Variants in ZXDC observed in about 807,000 individuals in gnomAD.
The protein encoded by ZXDC is zinc finger protein ZXDC.
A neutral mutation model predicts 63.6 loss-of-function variants in ZXDC; 58 were observed. The ratio of observed to expected loss-of-function variants is 0.91; its 90% confidence interval spans 0.74 to 1.13. The LOEUF is 1.13. Among genes scored for constraint, ZXDC ranks in the 50% most tolerant of loss-of-function variants. ZXDC has a pLI of 0.00. For missense variants in ZXDC, 1,133 were observed against 1,148.9 expected (o/e 0.99, Z 0.20); for synonymous variants, 561 against 496.1 (o/e 1.13, Z -1.74).
intron 4 of ZXDC, among the ~76,000 whole-genome samples, chr3:126,470,156 A>G (rs2107657397): frequency 6.6e-6 from 1 of 152,264 alleles, no homozygotes; most frequent in Non-Finnish European, 1.5e-5. Context: ...AAAGGAAAAA[A>G]CCACTCTACT....
chr3:126,475,096 G>C lies in ZXDC; in HGVS notation c.770C>G (p.Ala257Gly). 1.2e-6 allele frequency: 2 copies of C among 1,609,996 alleles called. No individual in the cohort carries two copies. Among genetic ancestry groups the C allele is most frequent in the Non-Finnish European group, 1.7e-6 (2 of 1,178,184 alleles). ...KKFTTVYNLK[A>G]HMKGHEQESL... Reference sequence around the variant, plus strand: ...CTCCTGCTCGTGGCCCTTCATGTGCGCCTTGAGGTTATAGACCGTAGTGAA... The same window carrying C: ...CTCCTGCTCGTGGCCCTTCATGTGCCCCTTGAGGTTATAGACCGTAGTGAA... Residue 257 changes from alanine (A) to glycine (G), a missense_variant, in exon 1 of 10, where the codon GCG (alanine) becomes GGG (glycine). Coordinates refer to ENST00000389709, the MANE Select transcript of ZXDC (RefSeq NM_025112.5).
chr3:126,450,257 G>C (rs1429642852), intron 7 of ZXDC: 6 of 447,424 alleles, frequency 1.3e-5, no homozygotes, highest in South Asian at 9.5e-5. Context: ...ATGCGTAAGG[G>C]TCAGTGGTGT....
At chr3:126,466,430 C>A (rs1934769577) in intron 4 of ZXDC, 105 bp from the exon 5 acceptor site, 5 of 1,262,494 alleles carry the variant, frequency 4.0e-6, no homozygotes, top group South Asian at 3.8e-5. Context: ...GCATTTTGCA[C>A]CCTGGCTACT....
intron 7 of ZXDC, chr3:126,459,408 G>A (rs1934433368): frequency 2.0e-6 from 2 of 985,462 alleles, no homozygotes; most frequent in Non-Finnish European, 2.4e-6. Context: ...TGACACTGGT[G>A]TTTGAACGCT....
chr3:126,448,604 C>A (rs1221699105), intron 7 of ZXDC, among the ~76,000 whole-genome samples: 1 of 152,214 alleles, frequency 6.6e-6, no homozygotes, highest in Admixed American at 6.5e-5. Flanking sequence ...CACTAAGAAG[C>A]AAGCACCAGA....
intron 4 of ZXDC, among the ~76,000 whole-genome samples, chr3:126,467,508 G>A (rs1576687770): frequency 6.6e-6 from 1 of 152,298 alleles, no homozygotes; most frequent in Non-Finnish European, 1.5e-5. Context: ...TACTGCCAGA[G>A]CCCAGCGCCT....
intron 1 of ZXDC, among the ~76,000 whole-genome samples, chr3:126,473,837 C>T (rs971385361): frequency 2.6e-5 from 4 of 152,186 alleles, no homozygotes; most frequent in African/African-American, 9.7e-5. Flanking sequence ...CTGGTCCTTC[C>T]TCCTGGGCCC....
At chr3:126,440,470 C>G (rs1933634181) in intron 8 of ZXDC, 1 of 985,378 alleles carries the variant, frequency 1.0e-6, no homozygotes, top group Non-Finnish European at 1.2e-6. Context: ...AGAACTCAAA[C>G]CCAGGTTTAA....
rs954903813 is a variant in ZXDC at position 126,475,802 on chromosome 3, C to T, written c.64G>A (p.Gly22Ser). The change falls in exon 1 of 10, where the codon GGC becomes AGC. Residue 22 changes from glycine (G) to serine (S), a missense_variant. Transcript: ENST00000389709. ...ARGGQHGGGP[G>S]PLRRAPAPLG... ...GGCGCTGGGGCTCGGCGGAGCGGGC[C>T]GGGGCCGCCGCCATGTTGCCCTCCG... The T allele has an allele frequency of 1.4e-5, 15 of 1,089,364 alleles. No homozygotes were observed. In the African/African-American group the frequency reaches 2.2e-4, roughly 16 times the overall value. 67.5% of individuals were successfully genotyped at this position (1,089,364 alleles called of 1,614,324 possible).
chr3:126,442,649 T>C (rs1053322320), intron 7 of ZXDC: 1 of 152,110 alleles, frequency 6.6e-6, no homozygotes, highest in East Asian at 1.9e-4. Flanking sequence ...ATGGGAATGC[T>C]AGTCCCAACC....
At position 126,475,541 on chromosome 3, in the gene ZXDC, C is replaced by CG; in HGVS notation, c.324dup (p.Glu109ArgfsTer146). The CG allele has an allele frequency of 7.4e-7, 1 of 1,344,420 alleles. No individual in the cohort carries two copies. The highest frequency in any genetic ancestry group is 1.8e-5 in the South Asian group (1 of 55,146). 83.3% of individuals were successfully genotyped at this position (1,344,420 alleles called of 1,614,324 possible). A position where few individuals can be genotyped will look rare whatever the true frequency, so the allele number is the denominator to read the frequency against. ...GCGGCCGGGCCGCTGGGGCCCTGCT[C>CG]GGGGCGGCTCGCCAGGTTGACACGG... On this transcript the variant is annotated frameshift_variant, in exon 1 of 10. Transcript: ENST00000389709. LOFTEE classifies it high-confidence loss of function.
chr3:126,444,400 C>T (rs530792195), intron 7 of ZXDC, among the ~76,000 whole-genome samples: 53 of 152,010 alleles, frequency 3.5e-4, no homozygotes, highest in Middle Eastern at 3.4e-3. Flanking sequence ...GTGGTGGTGG[C>T]GGGTGCCTGT....
chr3:126,460,157 C>A, intron 6 of ZXDC: 8 of 984,738 alleles, frequency 8.1e-6, no homozygotes, highest in African/African-American at 5.2e-5. Context: ...ACCTTAGAGA[C>A]CCACTGTACA....
intron 8 of ZXDC, chr3:126,441,246 G>T (rs951714922): frequency 2.0e-6 from 2 of 985,970 alleles, no homozygotes; most frequent in Non-Finnish European, 2.4e-6. Context: ...GGCCTGCCCT[G>T]GAGGGGCTCT....
At position 126,475,602 on chromosome 3, in the gene ZXDC, G is replaced by T. The variant is rs760071631; in HGVS notation, c.264C>A (p.Ala88=). The change falls in exon 1 of 10, where the codon GCC becomes GCA. Residue 88 remains alanine, a synonymous_variant. Transcript: ENST00000389709. The stretch of plus-strand genomic sequence containing the variant: ...CGGCCTCCTGTGATCCGGCAGCCTC[G>T]GCGGCAGCGCCGCCGTGCGGCACTT... ...LLEVPHGGAA[A]EAAGSQEAEP... is the part of the protein sequence containing the mutation. 3 of 1,469,532 alleles carry T rather than the reference G, an allele frequency of 2.0e-6. No homozygotes were observed. Among genetic ancestry groups the T allele is most frequent in the Non-Finnish European group, 9.0e-7 (1 of 1,108,458 alleles). The allele number at this position is 1,469,532 out of a possible 1,614,324, so 91.0% of individuals were successfully genotyped here.
chr3:126,448,923 G>A (rs1240924130), intron 7 of ZXDC, among the ~76,000 whole-genome samples: 4 of 152,226 alleles, frequency 2.6e-5, no homozygotes, highest in Non-Finnish European at 5.9e-5. Context: ...AGACAGCAAC[G>A]GCCAGCATCC....
intron 7 of ZXDC, among the ~76,000 whole-genome samples, chr3:126,445,767 C>G (rs1013820326): frequency 2.0e-5 from 3 of 152,080 alleles, no homozygotes; most frequent in Non-Finnish European, 4.4e-5. Context: ...GAGGAGGGGC[C>G]AAGCCCCAGT....
intron 1 of ZXDC, among the ~76,000 whole-genome samples, chr3:126,474,053 G>A (rs3108334): frequency 0.61 from 91,547 of 150,212 alleles, 28,490 homozygotes; most frequent in South Asian, 0.74. Flanking sequence ...AGAAAGAACA[G>A]GCAGTGGACT....
chr3:126,441,826 C>G lies in ZXDC; in HGVS notation c.2333G>C (p.Gly778Ala). 6.2e-7 allele frequency: 1 copy of G among 1,613,734 alleles called. No homozygotes were observed. The highest frequency in any genetic ancestry group is 8.5e-7 in the Non-Finnish European group (1 of 1,179,916). The change falls in exon 8 of 10, where the codon GGA becomes GCA. Residue 778 changes from glycine to alanine, a missense_variant. Coordinates refer to ENST00000389709, the MANE Select transcript of ZXDC (RefSeq NM_025112.5). ...SLVVPSGGRP[G>A]PAPAAGVQCG... ...CTGCACCCCAGCTGCTGGAGCTGGT[C>G]CTGGCCGTCCTCCGCTGGGCACCAC...
Sources: allele counts gnomAD v4.1 joint callset (sites outside exome capture counted in the v4.1 genomes callset), GRCh38; gene constraint gnomAD v4.1.1; transcripts MANE v1.5; gene names NCBI Gene and HGNC (gene_info 2026-07-23, HGNC 2026-07-21).